Variants in CEP152 observed in about 807,000 individuals in gnomAD.
The protein encoded by CEP152 is centrosomal protein of 152 kDa.
A neutral mutation model predicts 188.9 loss-of-function variants in CEP152; 132 were observed. That is an observed-to-expected ratio of 0.70 (90% CI 0.61 to 0.81). The LOEUF is 0.81. Among genes scored for constraint, CEP152 ranks in the 30% least tolerant of loss-of-function variants. CEP152 has a pLI of 0.00. For synonymous variants in CEP152, 649 were observed against 666.6 expected, an observed-to-expected ratio of 0.97 and a Z score of 0.41; for missense variants, 1,914 against 1,969.8, an observed-to-expected ratio of 0.97 and a Z score of 0.54.
intron 2 of CEP152, chr15:48,729,932 C>G (rs145321994): frequency 2.0e-5 from 3 of 151,608 alleles, no homozygotes; most frequent in East Asian, 1.9e-4. Flanking sequence ...TACTCCAGTA[C>G]GTAACAAATA....
intron 12 of CEP152, among the ~76,000 whole-genome samples, chr15:48,780,319 A>G (rs1212209813): frequency 6.6e-6 from 1 of 152,226 alleles, no homozygotes; most frequent in Non-Finnish European, 1.5e-5. Flanking sequence ...CTTTCACAGT[A>G]TCACCTGATC....
At chr15:48,752,310 T>C (rs751808378) in intron 21 of CEP152, 39 bp downstream of exon 21, 12 of 1,613,914 alleles carry the variant, frequency 7.4e-6, no homozygotes, top group South Asian at 2.2e-5. Flanking sequence ...TGGGTGATTA[T>C]GGATGCTACA....
chr15:48,787,163 G>GTTTTTTGTTTTTTT (rs71120640), intron 9 of CEP152, among the ~76,000 whole-genome samples: 1 of 101,500 alleles, frequency 9.9e-6, no homozygotes, highest in Non-Finnish European at 1.9e-5. Flanking sequence ...TATAGCCTTC[G>GTTTTTTGTTTTTTT]TTTTTTTTTT....
intron 15 of CEP152, 123 bp from the exon 16 acceptor site, chr15:48,767,586 T>G: frequency 1.5e-6 from 2 of 1,301,252 alleles, no homozygotes; most frequent in Non-Finnish European, 2.2e-6. Context: ...GTCAGATAAC[T>G]TTTCCCCAAC....
chr15:48,764,435 A>C (rs138822506), intron 17 of CEP152, among the ~76,000 whole-genome samples: 32 of 152,250 alleles, frequency 2.1e-4, no homozygotes, highest in Non-Finnish European at 4.3e-4. Flanking sequence ...CTACAACACT[A>C]ACAGTCTCCA....
chr15:48,739,680 C>A (rs1166699937), intron 26 of CEP152, among the ~76,000 whole-genome samples: 1 of 152,002 alleles, frequency 6.6e-6, no homozygotes, highest in Non-Finnish European at 1.5e-5. Flanking sequence ...CAAAGAACCC[C>A]ACCCACCCAA....
At chr15:48,801,569 T>C (rs1595702485) in intron 2 of CEP152, among the ~76,000 whole-genome samples, 2 of 152,230 alleles carry the variant, frequency 1.3e-5, no homozygotes, top group African/African-American at 4.8e-5. Flanking sequence ...CTTGATATCA[T>C]AGATTACCAA....
intron 20 of CEP152, among the ~76,000 whole-genome samples, chr15:48,753,864 C>T (rs1894070659): frequency 6.6e-6 from 1 of 152,044 alleles, no homozygotes; most frequent in African/African-American, 2.4e-5. Context: ...TTCATTGCAT[C>T]CTCTCCATTT....
At chr15:48,742,235 C>T (rs1237450455) in intron 24 of CEP152, 135 bp from the exon 25 acceptor site, 4 of 819,854 alleles carry the variant, frequency 4.9e-6, no homozygotes, top group Non-Finnish European at 8.2e-6. Flanking sequence ...ATACTTTCCA[C>T]AGTCATTAAA....
intron 9 of CEP152, among the ~76,000 whole-genome samples, chr15:48,788,326 C>CTTTTTTTTT (rs538514112): frequency 1.0e-5 from 1 of 97,064 alleles, no homozygotes; most frequent in Non-Finnish European, 2.0e-5. Flanking sequence ...TCACTGGCTT[C>CTTTTTTTTT]TTTTTTTTTT....
chr15:48,801,307 G>A (rs1897653223), intron 2 of CEP152, among the ~76,000 whole-genome samples: 1 of 152,116 alleles, frequency 6.6e-6, no homozygotes, highest in Non-Finnish European at 1.5e-5. Flanking sequence ...ATCAAACAAG[G>A]CAGTTAAAAA....
At chr15:48,791,482 T>A (rs1000028429) in intron 7 of CEP152, 106 bp from the exon 8 acceptor site, 2 of 989,022 alleles carry the variant, frequency 2.0e-6, no homozygotes, top group African/African-American at 3.2e-5. Flanking sequence ...TGTTGTTGAA[T>A]TAAATTTAAT....
At chr15:48,799,069 T>A (rs900343916) in intron 2 of CEP152, among the ~76,000 whole-genome samples, 1 of 152,172 alleles carries the variant, frequency 6.6e-6, no homozygotes, top group Non-Finnish European at 1.5e-5. Context: ...ATTGACAGCT[T>A]GATTAAATCC....
intron 5 of CEP152, among the ~76,000 whole-genome samples, chr15:48,796,703 G>A (rs894266187): frequency 5.9e-5 from 9 of 152,056 alleles, no homozygotes; most frequent in African/African-American, 1.7e-4. Flanking sequence ...TAGCTGTTGA[G>A]GTATTTGCTG....
intron 15 of CEP152, among the ~76,000 whole-genome samples, chr15:48,767,881 A>C (rs1238754718): frequency 6.6e-6 from 1 of 152,196 alleles, no homozygotes; most frequent in East Asian, 1.9e-4. Context: ...CAAGTTTATG[A>C]TTTGGTATTT....
chr15:48,774,787 G>A (rs921536522), intron 12 of CEP152, among the ~76,000 whole-genome samples: 4 of 151,982 alleles, frequency 2.6e-5, no homozygotes, highest in African/African-American at 4.8e-5. Context: ...AGAAAAATGT[G>A]GCCAAATCTT....
chr15:48,798,895 T>C (rs1897498806), intron 2 of CEP152, among the ~76,000 whole-genome samples: 1 of 149,962 alleles, frequency 6.7e-6, no homozygotes, highest in Non-Finnish European at 1.5e-5. Flanking sequence ...CTGTCTGCTA[T>C]TGTCTTTCTT....
chr15:48,782,357 T>C, intron 10 of CEP152, 127 bp from the exon 11 acceptor site: 1 of 772,414 alleles, frequency 1.3e-6, no homozygotes, highest in Non-Finnish European at 2.2e-6. Flanking sequence ...ACTGTCTCTT[T>C]AGAATACATA....
At chr15:48,741,813 C>G (rs770295662) in intron 25 of CEP152, 109 bp from the exon 26 acceptor site, 377 of 1,608,786 alleles carry the variant, frequency 2.3e-4, no homozygotes, top group Non-Finnish European at 2.9e-4. Context: ...TAGGGTAGCA[C>G]AGCCATAAAC....
Sources: gnomAD v4.1 joint callset for allele counts (sites outside exome capture counted in the v4.1 genomes callset) on GRCh38, gnomAD v4.1.1 for gene constraint, MANE v1.5 for transcripts, NCBI Gene and HGNC (gene_info 2026-07-23, HGNC 2026-07-21) for gene names.